Variants in FRMPD4 observed in about 807,000 individuals in gnomAD.
FRMPD4 encodes the protein FERM and PDZ domain containing 4, also known as FERM and PDZ domain-containing protein 4.
FRMPD4 carries 22 observed loss-of-function variants against 94.1 expected under a neutral mutation model. The observed-to-expected ratio is 0.23, with a 90% CI of 0.17 to 0.33. FRMPD4 has a LOEUF of 0.33. FRMPD4 is among the 10% of genes least tolerant of loss of function. The probability of loss-of-function intolerance (pLI) is 1.00; values close to 1 mark genes in which losing one functional copy is unlikely to be tolerated. For synonymous variants in FRMPD4, 631 were observed against 548.6 expected (o/e 1.15, Z -2.10); for missense variants, 1,111 against 1,339.9 (o/e 0.83, Z 2.67).
At chrX:12,137,598 G>C (rs186857050), upstream of FRMPD4, among the ~76,000 whole-genome samples, 15 of 111,596 alleles carry the variant, frequency 1.3e-4, no homozygotes, top group African/African-American at 3.6e-4. Context: ...GTGGAGAAGA[G>C]GCCTTGAGAC....
chrX:12,520,757 GA>G (rs1338784266), intron 2 of FRMPD4, among the ~76,000 whole-genome samples: 2 of 112,117 alleles, frequency 1.8e-5, no homozygotes, highest in East Asian at 5.6e-4. Flanking sequence ...TCACTGATTG[GA>G]CTGGTGGAAG....
chrX:12,721,149 A>G lies in FRMPD4; in HGVS notation c.4580A>G (p.Gln1527Arg). 2 of 755,939 alleles carry G rather than the reference A, an allele frequency of 2.6e-6. No homozygotes were observed. Among genetic ancestry groups the G allele is most frequent in the East Asian group, 1.5e-4 (1 of 6,632 alleles). 62.3% of individuals were successfully genotyped at this position (755,939 alleles called of 1,213,427 possible). Residue 1527 changes from glutamine (Q) to arginine (R), a missense_variant, in exon 17 of 17, where the codon CAG becomes CGG. Gln to Arg is a conservative substitution (Grantham distance 43). Transcript: ENST00000675598. ...GAGGAGAGGGGAGAGGCCACCGTCCAGGTCTCTTGCCTCTATAGACCACAG... is the reference window on the plus strand; with the variant it reads ...GAGGAGAGGGGAGAGGCCACCGTCCGGGTCTCTTGCCTCTATAGACCACAG... ...EEEERGEATV[Q>R]VSCLYRPQMT...
At chrX:12,173,569 C>G (rs1474841008) in intron 1 of FRMPD4, among the ~76,000 whole-genome samples, 1 of 112,220 alleles carries the variant, frequency 8.9e-6, no homozygotes. Context: ...TCTTACTAAA[C>G]CACATTCAAC....
chrX:12,141,909 T>C (rs1160925167), intron 1 of FRMPD4, among the ~76,000 whole-genome samples: 1 of 112,226 alleles, frequency 8.9e-6, no homozygotes, highest in Non-Finnish European at 1.9e-5. Context: ...GCTCTTTGTA[T>C]TGACTATTTT....
intron 1 of FRMPD4, among the ~76,000 whole-genome samples, chrX:11,832,025 C>T (rs1317106376): frequency 9.0e-6 from 1 of 111,587 alleles, no homozygotes; most frequent in Non-Finnish European, 1.9e-5. Context: ...CTTTTTGGCT[C>T]AGCTTGCCCA....
At chrX:11,943,315 A>T (rs1477762133) in intron 3 of FRMPD4, among the ~76,000 whole-genome samples, 1 of 111,490 alleles carries the variant, frequency 9.0e-6, no homozygotes, top group Non-Finnish European at 1.9e-5. Flanking sequence ...TGGGCTGCTG[A>T]TCCTTTGTCA....
intron 1 of FRMPD4, among the ~76,000 whole-genome samples, chrX:12,294,645 A>G (rs1333509112): frequency 8.9e-6 from 1 of 111,807 alleles, no homozygotes; most frequent in Non-Finnish European, 1.9e-5. Flanking sequence ...CATGTCTTTG[A>G]TCTAACCTGG....
intron 1 of FRMPD4, among the ~76,000 whole-genome samples, chrX:11,858,407 A>C (rs984603137): frequency 8.1e-5 from 9 of 111,370 alleles, no homozygotes; most frequent in Admixed American, 1.9e-4. Context: ...TTGCAGGGAC[A>C]TGGATGGAGC....
intron 1 of FRMPD4, among the ~76,000 whole-genome samples, chrX:12,331,264 A>C (rs1601824925): frequency 9.6e-6 from 1 of 103,689 alleles, no homozygotes; most frequent in East Asian, 3.0e-4. Flanking sequence ...AATCTTGTCC[A>C]TTTTGAAAGT....
At chrX:11,960,279 T>C (rs1478474053) in intron 3 of FRMPD4, among the ~76,000 whole-genome samples, 2 of 112,080 alleles carry the variant, frequency 1.8e-5, no homozygotes, top group African/African-American at 6.5e-5. Context: ...CATTTGGATT[T>C]TAAAGGCTGA....
intron 1 of FRMPD4, among the ~76,000 whole-genome samples, chrX:12,443,235 G>A (rs1256405122): frequency 8.9e-6 from 1 of 111,823 alleles, no homozygotes; most frequent in Non-Finnish European, 1.9e-5. Context: ...TATATGGTAT[G>A]TAAATCATAT....
chrX:12,253,561 T>C (rs1035011815), intron 1 of FRMPD4, among the ~76,000 whole-genome samples: 13 of 111,977 alleles, frequency 1.2e-4, no homozygotes, highest in African/African-American at 3.9e-4. Context: ...GTATTATTTA[T>C]TGATGCTAGT....
intron 3 of FRMPD4, among the ~76,000 whole-genome samples, chrX:12,024,347 A>G (rs186595433): frequency 9.4e-4 from 106 of 112,225 alleles, no homozygotes; most frequent in African/African-American, 3.4e-3. Flanking sequence ...CATTGTACAG[A>G]TGAGAAAACT....
chrX:12,717,283 T>G, intron 15 of FRMPD4, 150 bp downstream of exon 15: 1 of 467,314 alleles, frequency 2.1e-6, no homozygotes. Flanking sequence ...ATGGGTTTTT[T>G]TGTGTGTATG....
At chrX:11,964,942 T>A (rs1266251826) in intron 3 of FRMPD4, among the ~76,000 whole-genome samples, 1 of 112,830 alleles carries the variant, frequency 8.9e-6, no homozygotes, top group Non-Finnish European at 1.9e-5. Context: ...GGCTTGGGCA[T>A]CCTTCCTCCA....
chrX:12,493,597 A>G (rs934140948), intron 1 of FRMPD4, among the ~76,000 whole-genome samples: 4 of 112,189 alleles, frequency 3.6e-5, no homozygotes, highest in African/African-American at 1.3e-4. Flanking sequence ...TATCACACTT[A>G]TTTGTGGCAC....
At chrX:11,934,383 A>G (rs751998868) in intron 3 of FRMPD4, among the ~76,000 whole-genome samples, 8 of 112,014 alleles carry the variant, frequency 7.1e-5, no homozygotes, top group Admixed American at 4.7e-4. Flanking sequence ...CACAACACCA[A>G]TATGCAGGCT....
chrX:12,539,923 C>A lies in FRMPD4; in HGVS notation c.158+41127C>A, dbSNP rs750691726. 1.5e-3 allele frequency among the ~76,000 whole-genome samples: 166 copies of A among 112,056 alleles called. 4 individuals carry two copies. In the South Asian group the frequency reaches 0.061, roughly 41 times the overall value. On this transcript the variant is annotated intron_variant, in intron 2 of 16. Transcript: ENST00000675598. ...TGCTGGGATTACAGGCATGAGCCAC[C>A]GCGCCCAGCTTCAACATTCTTAAAG...
At chrX:12,186,252 A>G (rs2056423173) in intron 1 of FRMPD4, among the ~76,000 whole-genome samples, 1 of 111,063 alleles carries the variant, frequency 9.0e-6, no homozygotes, top group Non-Finnish European at 1.9e-5. Context: ...CAGCATACTT[A>G]TCAAACAAAG....
Sources: gnomAD v4.1 joint callset for allele counts (sites outside exome capture counted in the v4.1 genomes callset) on GRCh38, gnomAD v4.1.1 for gene constraint, MANE v1.5 for transcripts, NCBI Gene and HGNC (gene_info 2026-07-23, HGNC 2026-07-21) for gene names.